Variants in TIAM1 observed in about 807,000 individuals in gnomAD.
The protein encoded by TIAM1 is rho guanine nucleotide exchange factor TIAM1.
A neutral mutation model predicts 163.5 loss-of-function variants in TIAM1; 65 were observed. The observed-to-expected ratio is 0.40, with a 90% confidence interval of 0.33 to 0.49. The LOEUF (loss-of-function observed/expected upper bound fraction) is 0.49. Among genes scored for constraint, TIAM1 ranks in the 20% least tolerant of loss-of-function variants. The pLI, the probability that TIAM1 is intolerant of heterozygous loss-of-function variation, is 0.77. For synonymous variants in TIAM1, 833 were observed against 810.1 expected, an observed-to-expected ratio of 1.03 and a Z score of -0.48; for missense variants, 1,789 against 2,044.7, an observed-to-expected ratio of 0.87 and a Z score of 2.41.
intron 2 of TIAM1, among the ~76,000 whole-genome samples, chr21:31,338,078 GC>G (rs1169117533): frequency 1.3e-5 from 2 of 152,060 alleles, no homozygotes; most frequent in African/African-American, 2.4e-5. Flanking sequence ...GGTTTTATCT[GC>G]TCCGTGTCCA....
At chr21:31,340,652 G>A (rs140413497) in intron 1 of TIAM1, among the ~76,000 whole-genome samples, 2 of 152,186 alleles carry the variant, frequency 1.3e-5, no homozygotes, top group African/African-American at 4.8e-5. Context: ...GGCACACACC[G>A]CCATGACCAG....
At chr21:31,546,996 G>T (rs959986703) in intron 1 of TIAM1, among the ~76,000 whole-genome samples, 2 of 152,100 alleles carry the variant, frequency 1.3e-5, no homozygotes, top group Admixed American at 6.6e-5. Context: ...TAAAGATAAG[G>T]TCCAGGCATT....
chr21:31,548,813 C>T (rs1359704459), intron 1 of TIAM1, among the ~76,000 whole-genome samples: 2 of 152,008 alleles, frequency 1.3e-5, no homozygotes, highest in Admixed American at 6.6e-5. Context: ...TGACTATGGA[C>T]CTGATCACTG....
chr21:31,382,609 C>G (rs143506710), intron 2 of TIAM1, among the ~76,000 whole-genome samples: 2 of 152,124 alleles, frequency 1.3e-5, no homozygotes, highest in African/African-American at 2.4e-5. Context: ...ATTAATGAGA[C>G]GGATGTAGCA....
At chr21:31,156,434 G>A (rs1403903636) in intron 16 of TIAM1, among the ~76,000 whole-genome samples, 5 of 152,146 alleles carry the variant, frequency 3.3e-5, no homozygotes, top group Non-Finnish European at 5.9e-5. Flanking sequence ...TGACCAAAAT[G>A]GGCTCAGCTC....
chr21:31,206,168 C>T (rs1433673921), intron 11 of TIAM1, among the ~76,000 whole-genome samples: 1 of 152,166 alleles, frequency 6.6e-6, no homozygotes, highest in Non-Finnish European at 1.5e-5. Flanking sequence ...ACTCTCAAAA[C>T]AGGACATTGG....
intron 2 of TIAM1, among the ~76,000 whole-genome samples, chr21:31,361,307 C>T (rs893035999): frequency 1.3e-5 from 2 of 151,878 alleles, no homozygotes; most frequent in Admixed American, 6.6e-5. Context: ...AATTAAACTA[C>T]AGTGCTTAAG....
intron 2 of TIAM1, among the ~76,000 whole-genome samples, chr21:31,427,493 A>C (rs1040205445): frequency 1.3e-5 from 2 of 151,988 alleles, no homozygotes; most frequent in Non-Finnish European, 1.5e-5. Flanking sequence ...TCTCAAAAAA[A>C]TAATAATAAA....
chr21:31,153,713 A>T (rs1297491041), intron 17 of TIAM1, among the ~76,000 whole-genome samples: 1 of 8,624 alleles, frequency 1.2e-4, no homozygotes, highest in East Asian at 1.1e-3. Context: ...CAACACATAC[A>T]TATATATATA....
At chr21:31,501,408 G>A (rs1954366891) in intron 1 of TIAM1, among the ~76,000 whole-genome samples, 1 of 151,392 alleles carries the variant, frequency 6.6e-6, no homozygotes, top group Admixed American at 6.6e-5. Flanking sequence ...TCAACGCAAA[G>A]CAGAAAATCA....
chr21:31,427,539 A>G (rs931869247), intron 2 of TIAM1, among the ~76,000 whole-genome samples: 7 of 152,048 alleles, frequency 4.6e-5, no homozygotes, highest in African/African-American at 1.7e-4. Flanking sequence ...AAGATCACCA[A>G]TTAAAATTAA....
At position 31,210,700 on chromosome 21, in the gene TIAM1, A is replaced by G. The variant is rs1219679183; in HGVS notation, c.2218-485T>C. ...GAAAGAAAGAAAAAGAAAGAAAGAA[A>G]GAAAGAGAAAGAAAGAGAAAGAAAG... On this transcript the variant is annotated intron_variant, in intron 10 of 27. Transcript: ENST00000541036. 1.1e-3 allele frequency among the ~76,000 whole-genome samples: 126 copies of G among 115,486 alleles called. 3 individuals carry two copies. Among genetic ancestry groups the G allele is most frequent in the East Asian group, 3.0e-3 (11 of 3,714 alleles). The allele number at this position is 115,486 out of a possible 152,430, so 75.8% of individuals were successfully genotyped here.
At chr21:31,140,221 A>T (rs1040761816) in intron 22 of TIAM1, among the ~76,000 whole-genome samples, 16 of 152,266 alleles carry the variant, frequency 1.1e-4, no homozygotes, top group Non-Finnish European at 1.8e-4. Context: ...AGCCTACACT[A>T]AACAACCAAA....
intron 2 of TIAM1, among the ~76,000 whole-genome samples, chr21:31,397,251 A>G (rs1355366553): frequency 1.3e-5 from 2 of 152,220 alleles, no homozygotes; most frequent in Non-Finnish European, 2.9e-5. Flanking sequence ...AAGAACTATC[A>G]TGCCCGTTTG....
intron 2 of TIAM1, among the ~76,000 whole-genome samples, chr21:31,369,034 T>C (rs961078609): frequency 6.2e-5 from 9 of 145,488 alleles, no homozygotes; most frequent in Admixed American, 2.0e-4. Flanking sequence ...GGTCGGGAGA[T>C]AGAGACATGG....
chr21:31,511,876 G>C (rs1248641457), intron 1 of TIAM1, among the ~76,000 whole-genome samples: 1 of 152,106 alleles, frequency 6.6e-6, no homozygotes, highest in Non-Finnish European at 1.5e-5. Flanking sequence ...TTTAATTTGA[G>C]AATCTATTTG....
Position 31,153,101 on chromosome 21 carries a change from G to C in TIAM1, c.3205C>G (p.Pro1069Ala). 6.2e-7 allele frequency: 1 copy of C among 1,613,434 alleles called. No homozygotes were observed. The highest frequency in any genetic ancestry group is 8.5e-7 in the Non-Finnish European group (1 of 1,179,828). ...GTGAGAAAAGTTTCTTTTTGAAGAG[G>C]CTTTAGGTATCTCTCCATAAGACAG... is the stretch of plus-strand genomic sequence containing the variant. ...LNCLMERYLK[P>A]LQKETFLTQD... The change falls in exon 18 of 28, where the codon CCT becomes GCT. Residue 1069 changes from proline to alanine, a missense_variant. By Grantham distance (27) the Pro-to-Ala change is conservative (BLOSUM62 -1). Coordinates refer to ENST00000541036, the MANE Select transcript of TIAM1 (RefSeq NM_001353694.2).
At chr21:31,484,391 C>T (rs572573329) in intron 1 of TIAM1, among the ~76,000 whole-genome samples, 195 of 152,316 alleles carry the variant, frequency 1.3e-3, no homozygotes, top group African/African-American at 4.1e-3. Flanking sequence ...GAGCTCAATA[C>T]GTCAACACCT....
At chr21:31,372,000 T>C (rs893790099) in intron 2 of TIAM1, among the ~76,000 whole-genome samples, 1 of 152,138 alleles carries the variant, frequency 6.6e-6, no homozygotes, top group Non-Finnish European at 1.5e-5. Flanking sequence ...ATTTAATTAA[T>C]TCAATGGCAG....
Sources: gnomAD v4.1 joint callset for allele counts (sites outside exome capture counted in the v4.1 genomes callset) on GRCh38, gnomAD v4.1.1 for gene constraint, MANE v1.5 for transcripts, NCBI Gene and HGNC (gene_info 2026-07-23, HGNC 2026-07-21) for gene names.